The following DLGAP4 variants were observed in gnomAD, a reference collection of about 807,000 sequenced individuals.
DLGAP4 encodes the protein disks large-associated protein 4.
In DLGAP4, 18 loss-of-function variants were observed where a neutral mutation model predicts 86.9. The ratio of observed to expected loss-of-function variants is 0.21; its 90% CI spans 0.14 to 0.31. The LOEUF is 0.31. Ranked by LOEUF, DLGAP4 falls within the 10% of genes least tolerant of loss-of-function variation. The pLI, the probability that DLGAP4 is intolerant of heterozygous loss-of-function variation, is 1.00. For synonymous variants in DLGAP4, 548 were observed against 574.3 expected, an observed-to-expected ratio of 0.95 and a Z score of 0.65; for missense variants, 1,085 against 1,362.6, an observed-to-expected ratio of 0.80 and a Z score of 3.21.
intron 2 of DLGAP4, among the ~76,000 whole-genome samples, chr20:36,425,713 C>T (rs546308895): frequency 1.3e-5 from 2 of 151,922 alleles, no homozygotes; most frequent in African/African-American, 4.8e-5. Context: ...CCCAGCTACT[C>T]GGGTTGCTGA....
chr20:36,432,542 C>T lies in DLGAP4; in HGVS notation c.825C>T (p.Ala275=). ...CACCACCCCCGCCCGCACCCCCAGC[C>T]ACCTGCCCCAGCCTTGGGGTGGGCA... ...TAPPPPPAPP[A]TCPSLGVGTD... The change falls in exon 3 of 13, where the codon GCC becomes GCT. Residue 275 remains alanine (A), a synonymous_variant. Transcript: ENST00000339266. The surrounding 1 kb of genome is among the most constrained non-coding windows in gnomAD (Gnocchi z 6.5). 6.2e-7 allele frequency: 1 copy of T among 1,606,172 alleles called. No individual in the cohort carries two copies. Among genetic ancestry groups the T allele is most frequent in the Non-Finnish European group, 8.5e-7 (1 of 1,176,854 alleles).
chr20:36,446,746 C>T lies in DLGAP4; in HGVS notation c.1457C>T (p.Ala486Val). The change falls in exon 7 of 13, where the codon GCC becomes GTC. Residue 486 changes from alanine (A) to valine (V), a missense_variant. Ala to Val is a moderately conservative substitution (Grantham distance 64, BLOSUM62 0). Transcript: ENST00000339266. ...SDQYEAACESACSEAESTAAE... is the reference protein window; with the variant it reads ...SDQYEAACESVCSEAESTAAE... ...CAGTATGAGGCGGCCTGCGAGTCAG[C>T]CTGCAGTGAAGCGGAGTCCACAGCG... 1 of 1,612,722 alleles carries T rather than the reference C, an allele frequency of 6.2e-7. No individual in the cohort carries two copies. Among genetic ancestry groups the T allele is most frequent in the South Asian group, 1.1e-5 (1 of 91,030 alleles).
At chr20:36,352,638 G>A (rs922221122) in intron 1 of DLGAP4, among the ~76,000 whole-genome samples, 1 of 152,150 alleles carries the variant, frequency 6.6e-6, no homozygotes, top group Non-Finnish European at 1.5e-5. Flanking sequence ...GGAGGAGCAG[G>A]TTCAGGAGAG....
At chr20:36,369,159 C>T (rs753595738) in intron 2 of DLGAP4, among the ~76,000 whole-genome samples, 6 of 152,142 alleles carry the variant, frequency 3.9e-5, no homozygotes, top group Admixed American at 6.5e-5. Flanking sequence ...AAAGAACAGC[C>T]GAAGCCGGAG....
intron 2 of DLGAP4, among the ~76,000 whole-genome samples, chr20:36,402,285 C>G (rs2032186248): frequency 6.6e-6 from 1 of 152,176 alleles, no homozygotes; most frequent in African/African-American, 2.4e-5. Context: ...CTACCACTTA[C>G]CAACTGGGCA....
chr20:36,516,923 A>G (rs2037071793), intron 10 of DLGAP4, among the ~76,000 whole-genome samples: 1 of 151,802 alleles, frequency 6.6e-6, no homozygotes. Flanking sequence ...AAACCCCACG[A>G]AACACCATGC....
At chr20:36,313,983 C>T (rs1160121931) in intron 1 of DLGAP4, among the ~76,000 whole-genome samples, 2 of 152,160 alleles carry the variant, frequency 1.3e-5, no homozygotes, top group Non-Finnish European at 2.9e-5. Context: ...CTGAGCTTCC[C>T]CACCTGACCT....
At chr20:36,403,084 A>G (rs1165495111) in intron 2 of DLGAP4, among the ~76,000 whole-genome samples, 4 of 152,224 alleles carry the variant, frequency 2.6e-5, no homozygotes, top group African/African-American at 9.7e-5. Flanking sequence ...GCCAGAGCGG[A>G]TATGTCTTAG....
At position 36,471,045 on chromosome 20, in the gene DLGAP4, A is replaced by G. The variant is rs537868326; in HGVS notation, c.1648+24108A>G. On this transcript the variant is annotated intron_variant, in intron 7 of 12. Transcript: ENST00000339266. ...CTGTGCGCTTAAAATTTTGTCATGT[A>G]TTTTTTAATTGCCTTCTTTTTCATT... Among the ~76,000 whole-genome samples, 8 of 152,190 alleles carry G rather than the reference A, an allele frequency of 5.3e-5. No individual in the cohort carries two copies. In the East Asian group the frequency reaches 1.5e-3, roughly 29 times the overall value.
intron 1 of DLGAP4, among the ~76,000 whole-genome samples, chr20:36,353,597 G>C (rs1235837082): frequency 1.3e-5 from 2 of 152,242 alleles, no homozygotes; most frequent in African/African-American, 4.8e-5. Context: ...GGGGGCCCAG[G>C]AGCCGTACAG....
In DLGAP4 at chr20:36,525,785, G is replaced by T. The variant is rs1039614355; in HGVS notation, c.2605-66G>T. 151 of 1,592,840 alleles carry T rather than the reference G, an allele frequency of 9.5e-5. No homozygotes were observed. The Admixed American group carries it at 2.6e-3, about 27-fold the overall frequency. ...GGGCCCAGAGGAACCCTGCTTGTTG[G>T]GGGGTTGGGGGGAGCAGGACAAGCC... is the stretch of plus-strand genomic sequence containing the variant. On this transcript the variant is annotated intron_variant, in intron 11 of 12. Coordinates refer to ENST00000339266, the MANE Select transcript of DLGAP4 (RefSeq NM_001365621.2).
In DLGAP4 at chr20:36,527,255, A is replaced by G. The variant is rs568565464; in HGVS notation, c.*224A>G. 71 of 461,276 alleles carry G rather than the reference A, an allele frequency of 1.5e-4. No homozygotes were observed. The highest frequency in any genetic ancestry group is 1.3e-3 in the African/African-American group (65 of 50,680). 28.6% of individuals were successfully genotyped at this position (461,276 alleles called of 1,614,324 possible). The stretch of plus-strand genomic sequence containing the variant: ...ACAAAAAAAATCAACAAAAATCACG[A>G]AACTAGAAAACTTTTTTTTTCCTCT... On this transcript the variant is annotated 3_prime_UTR_variant, in exon 13 of 13. Coordinates refer to ENST00000339266, the MANE Select transcript of DLGAP4 (RefSeq NM_001365621.2).
intron 5 of DLGAP4, among the ~76,000 whole-genome samples, chr20:36,442,286 A>G (rs1286484811): frequency 6.6e-6 from 1 of 152,164 alleles, no homozygotes; most frequent in African/African-American, 2.4e-5. Context: ...CCTCCGCCTC[A>G]CGGGTTCAAG....
chr20:36,462,197 T>G, intron 7 of DLGAP4: 1 of 1,087,518 alleles, frequency 9.2e-7, no homozygotes, highest in South Asian at 3.0e-5. Flanking sequence ...GTCTTTCTCC[T>G]TGGGACCCCC....
At chr20:36,409,790 T>C (rs530411408) in intron 2 of DLGAP4, among the ~76,000 whole-genome samples, 38 of 151,722 alleles carry the variant, frequency 2.5e-4, no homozygotes, top group African/African-American at 9.2e-4. Flanking sequence ...TCCCAGCACT[T>C]TGGGAGGCCA....
chr20:36,313,109 G>A (rs1381117265), intron 1 of DLGAP4, among the ~76,000 whole-genome samples: 3 of 152,174 alleles, frequency 2.0e-5, no homozygotes, highest in African/African-American at 2.4e-5. Context: ...CTGACCTGCC[G>A]CCTGGCTTCT....
At chr20:36,361,911 G>A (rs1293238554) in intron 1 of DLGAP4, among the ~76,000 whole-genome samples, 5 of 151,352 alleles carry the variant, frequency 3.3e-5, no homozygotes, top group African/African-American at 7.3e-5. Flanking sequence ...CCCGGGAGGC[G>A]GAGGTTGCAG....
intron 12 of DLGAP4, 65 bp from the exon 13 acceptor site, chr20:36,526,748 G>A: frequency 7.0e-7 from 1 of 1,433,308 alleles, no homozygotes; most frequent in South Asian, 1.3e-5. Context: ...TATGGTGGGG[G>A]TAGTGCCACA....
At chr20:36,346,970 G>A (rs1555893069) in intron 1 of DLGAP4, among the ~76,000 whole-genome samples, 2 of 152,146 alleles carry the variant, frequency 1.3e-5, no homozygotes, top group Admixed American at 1.3e-4. Flanking sequence ...AGCACACTGG[G>A]GACATTTGAG....
Sources: gnomAD v4.1 joint callset for allele counts (sites outside exome capture counted in the v4.1 genomes callset) on GRCh38, gnomAD v4.1.1 for gene constraint, Gnocchi (gnomAD v3.1) non-coding constraint, MANE v1.5 for transcripts, NCBI Gene and HGNC (gene_info 2026-07-23, HGNC 2026-07-21) for gene names.